The following CNIH4 variants were observed in gnomAD, a reference collection of about 807,000 sequenced individuals.
CNIH4 encodes the protein protein cornichon homolog 4.
CNIH4 carries 9 observed loss-of-function variants against 21.5 expected under a neutral mutation model. The observed-to-expected ratio is 0.42, with a 90% CI of 0.25 to 0.73. The LOEUF (loss-of-function observed/expected upper bound fraction) is 0.73. Among genes scored for constraint, CNIH4 ranks in the 30% least tolerant of loss-of-function variants. The pLI is 0.27. For missense variants in CNIH4, 159 were observed against 170.0 expected (o/e 0.94, Z 0.36); for synonymous variants, 67 against 59.1 (o/e 1.13, Z -0.61).
intron 1 of CNIH4, among the ~76,000 whole-genome samples, chr1:224,358,147 C>T (rs1404046109): frequency 2.6e-5 from 4 of 152,198 alleles, no homozygotes; most frequent in Non-Finnish European, 1.5e-5. Flanking sequence ...ATTTCCTGGT[C>T]AGCTAGCTCT....
In CNIH4 at chr1:224,379,284, A is replaced by G; in HGVS notation, c.*3462A>G. 1 of 605,956 alleles carries G rather than the reference A, an allele frequency of 1.7e-6. No homozygotes were observed. Among genetic ancestry groups the G allele is most frequent in the Non-Finnish European group, 2.9e-6 (1 of 339,756 alleles). The allele number at this position is 605,956 out of a possible 1,614,324, so 37.5% of individuals were successfully genotyped here. A position where few individuals can be genotyped will look rare whatever the true frequency, so the allele number is the denominator to read the frequency against. Reference sequence around the variant, plus strand: ...TAGTATCTCCCATGGCACTTACCACATTCTATCTGGTATTACAGTTATTTG... The same window carrying G: ...TAGTATCTCCCATGGCACTTACCACGTTCTATCTGGTATTACAGTTATTTG... On this transcript the variant is annotated 3_prime_UTR_variant, in exon 5 of 5. Transcript: ENST00000465271.
chr1:224,365,522 A>G (rs891895832), intron 2 of CNIH4, among the ~76,000 whole-genome samples: 2 of 152,224 alleles, frequency 1.3e-5, no homozygotes, highest in Admixed American at 6.5e-5. Context: ...ATGTGTGTGG[A>G]TATCAGACAT....
At chr1:224,360,323 T>C (rs776779912) in intron 1 of CNIH4, among the ~76,000 whole-genome samples, 172 bp from the exon 2 acceptor site, 2 of 152,212 alleles carry the variant, frequency 1.3e-5, no homozygotes, top group Non-Finnish European at 2.9e-5. Context: ...TAAAATAATT[T>C]GTTGAAGGAA....
In CNIH4 at chr1:224,377,342, T is replaced by C. The variant is rs1252230714; in HGVS notation, c.*1520T>C. ...CTTTTCCCTCTGAGGCAGCTTTTGC[T>C]TAGAAAACAGTCCCTTCACTCTGCC... On this transcript the variant is annotated 3_prime_UTR_variant, in exon 5 of 5. Transcript: ENST00000465271. The C allele has an allele frequency of 1.3e-5, 2 of 152,248 alleles. No homozygotes were observed. Among genetic ancestry groups the C allele is most frequent in the African/African-American group, 4.8e-5 (2 of 41,454 alleles). 9.4% of individuals were successfully genotyped at this position (152,248 alleles called of 1,614,324 possible). A position where few individuals can be genotyped will look rare whatever the true frequency, so the allele number is the denominator to read the frequency against.
At chr1:224,366,888 G>A (rs918479635) in intron 3 of CNIH4, among the ~76,000 whole-genome samples, 6 of 152,008 alleles carry the variant, frequency 3.9e-5, no homozygotes, top group Non-Finnish European at 5.9e-5. Context: ...GCGTGAAGCC[G>A]GGAGGCGGAG....
In CNIH4 at chr1:224,371,379, C is replaced by T. The variant is rs369790169; in HGVS notation, c.348C>T (p.Ile116=). Residue 116 remains isoleucine, a synonymous_variant, in exon 4 of 5, where the codon ATC becomes ATT. Coordinates refer to ENST00000465271, the MANE Select transcript of CNIH4 (RefSeq NM_014184.4). ...QLKSHMKEAM[I]KLGFHLLCFF... ...AGTCACACATGAAAGAAGCCATGATCAAGCTTGGTTTCCACTTGCTCTGCT... is the reference window on the plus strand; with the variant it reads ...AGTCACACATGAAAGAAGCCATGATTAAGCTTGGTTTCCACTTGCTCTGCT... The T allele has an allele frequency of 4.6e-5, 74 of 1,613,996 alleles. No homozygotes were observed. Among genetic ancestry groups the T allele is most frequent in the South Asian group, 1.2e-4 (11 of 91,070 alleles).
chr1:224,363,242 C>T (rs1413293756), intron 2 of CNIH4, among the ~76,000 whole-genome samples: 2 of 151,920 alleles, frequency 1.3e-5, no homozygotes, highest in Non-Finnish European at 2.9e-5. Context: ...TGAAGTCTCG[C>T]CACGTTGGCC....
rs1015806360 is a variant in CNIH4, at chr1:224,379,184, A to G, written c.*3362A>G. Reference sequence around the variant, plus strand: ...AGCAGGTCCCCTCAGCTGCCTTTTCATGCCTGCCACAGACTACAGTAGGAC... The same window carrying G: ...AGCAGGTCCCCTCAGCTGCCTTTTCGTGCCTGCCACAGACTACAGTAGGAC... On this transcript the variant is annotated 3_prime_UTR_variant, in exon 5 of 5. Coordinates refer to ENST00000465271, the MANE Select transcript of CNIH4 (RefSeq NM_014184.4). The G allele has an allele frequency of 3.0e-6, 4 of 1,318,212 alleles. No homozygotes were observed. The highest frequency in any genetic ancestry group is 1.3e-5 in the South Asian group (1 of 79,208). The allele number at this position is 1,318,212 out of a possible 1,614,324, so 81.7% of individuals were successfully genotyped here.
At chr1:224,372,550 T>A (rs539485243) in intron 4 of CNIH4, among the ~76,000 whole-genome samples, 1 of 152,042 alleles carries the variant, frequency 6.6e-6, no homozygotes, top group East Asian at 1.9e-4. Context: ...AGAAACTGTA[T>A]AGAGATAGCA....
intron 3 of CNIH4, among the ~76,000 whole-genome samples, chr1:224,366,824 A>G (rs535748146): frequency 2.8e-4 from 42 of 151,958 alleles, no homozygotes; most frequent in African/African-American, 9.6e-4. Context: ...TTAGCCAGGC[A>G]TGGTGGCGTG....
chr1:224,368,919 T>TC (rs1488228360), intron 3 of CNIH4, among the ~76,000 whole-genome samples: 1 of 151,638 alleles, frequency 6.6e-6, no homozygotes, highest in Non-Finnish European at 1.5e-5. Context: ...TCTTTTTTTT[T>TC]TTTTTGATAT....
chr1:224,371,036 C>G (rs1449313492), intron 3 of CNIH4, among the ~76,000 whole-genome samples: 1 of 151,994 alleles, frequency 6.6e-6, no homozygotes, highest in Non-Finnish European at 1.5e-5. Context: ...GCCACCATGC[C>G]CAGCTAATTT....
intron 3 of CNIH4, among the ~76,000 whole-genome samples, chr1:224,367,760 G>T (rs555143546): frequency 1.6e-4 from 24 of 152,280 alleles, no homozygotes; most frequent in African/African-American, 5.5e-4. Flanking sequence ...CCTAAAGTGA[G>T]CTCTGAGCTG....
intron 2 of CNIH4, among the ~76,000 whole-genome samples, chr1:224,365,163 T>C (rs1672414111): frequency 6.6e-6 from 1 of 152,226 alleles, no homozygotes; most frequent in South Asian, 2.1e-4. Context: ...GTTTCTTTCA[T>C]TAAATATTAA....
chr1:224,361,819 A>G (rs967279185), intron 2 of CNIH4, among the ~76,000 whole-genome samples: 1 of 152,080 alleles, frequency 6.6e-6, no homozygotes, highest in Non-Finnish European at 1.5e-5. Flanking sequence ...TCCTAGGCTC[A>G]AGTGATCTGC....
Position 224,365,120 on chromosome 1 carries a change from T to TG in CNIH4, c.139-758dup, listed in dbSNP as rs1332452825. Among the ~76,000 whole-genome samples the TG allele has an allele frequency of 2.6e-5, 4 of 152,372 alleles. No individual in the cohort carries two copies. In the East Asian group the frequency reaches 7.7e-4, roughly 29 times the overall value. On this transcript the variant is annotated intron_variant, in intron 2 of 4. Coordinates refer to ENST00000465271, the MANE Select transcript of CNIH4 (RefSeq NM_014184.4). The stretch of plus-strand genomic sequence containing the variant: ...CAATTTACCTAACCACTCTGAGTTT[T>TG]GTTTTCCTCATTTCTGAAAGTGAGG...
intron 1 of CNIH4, among the ~76,000 whole-genome samples, chr1:224,359,176 C>T (rs1672200901): frequency 6.6e-6 from 1 of 152,112 alleles, no homozygotes; most frequent in African/African-American, 2.4e-5. Flanking sequence ...TTTTGGAGGG[C>T]TTGAATGTTA....
intron 4 of CNIH4, among the ~76,000 whole-genome samples, chr1:224,375,033 TAA>T (rs1672740215): frequency 6.6e-6 from 1 of 152,234 alleles, no homozygotes; most frequent in South Asian, 2.1e-4. Flanking sequence ...TTGTTATTGT[TAA>T]CTGTGTCAAT....
At position 224,371,345 on chromosome 1, in the gene CNIH4, G is replaced by A. The variant is rs1451035685; in HGVS notation, c.314G>A (p.Gly105Glu). ...GATCCAACAGAAATACACAATCGAG[G>A]GCAGCTGAAGTCACACATGAAAGAA... ...VFDPTEIHNR[G>E]QLKSHMKEAM... The change falls in exon 4 of 5, where the codon GGG becomes GAG. Residue 105 changes from glycine to glutamate, a missense_variant. By Grantham distance (98) the Gly-to-Glu change is moderately conservative. Coordinates refer to ENST00000465271, the MANE Select transcript of CNIH4 (RefSeq NM_014184.4). 6.2e-7 allele frequency: 1 copy of A among 1,614,066 alleles called. No homozygotes were observed. The highest frequency in any genetic ancestry group is 8.5e-7 in the Non-Finnish European group (1 of 1,179,982).
Sources: gnomAD v4.1 joint callset for allele counts (sites outside exome capture counted in the v4.1 genomes callset) on GRCh38, gnomAD v4.1.1 for gene constraint, MANE v1.5 for transcripts, NCBI Gene and HGNC (gene_info 2026-07-23, HGNC 2026-07-21) for gene names.